APBB2: variants seen among roughly 807,000 people sequenced by gnomAD.
APBB2 encodes the protein amyloid beta precursor protein binding family B member 2.
A neutral mutation model predicts 82.5 loss-of-function variants in APBB2; 38 were observed. That is an observed-to-expected ratio of 0.46 (90% CI 0.36 to 0.60). APBB2 has a LOEUF of 0.60. APBB2 is among the 20% of genes least tolerant of loss of function. The pLI is 0.00. For missense variants in APBB2, 772 were observed against 972.3 expected, an observed-to-expected ratio of 0.79 and a Z score of 2.74; for synonymous variants, 341 against 368.2, an observed-to-expected ratio of 0.93 and a Z score of 0.85.
chr4:40,975,459 G>T (rs1192295448), intron 6 of APBB2, among the ~76,000 whole-genome samples: 1 of 151,860 alleles, frequency 6.6e-6, no homozygotes, highest in Non-Finnish European at 1.5e-5. Flanking sequence ...GTCTAATTTT[G>T]TGTTTAATTA....
intron 6 of APBB2, among the ~76,000 whole-genome samples, chr4:41,005,431 G>C (rs1806431992): frequency 6.6e-6 from 1 of 151,882 alleles, no homozygotes; most frequent in South Asian, 2.1e-4. Context: ...TGTTTTTGGT[G>C]AAGAAAACTA....
At chr4:40,856,675 C>A (rs1761284928) in intron 12 of APBB2, among the ~76,000 whole-genome samples, 1 of 150,680 alleles carries the variant, frequency 6.6e-6, no homozygotes, top group Non-Finnish European at 1.5e-5. Flanking sequence ...AATCATAGAA[C>A]GCTGTCCACG....
chr4:41,163,152 T>C (rs1580531416), intron 1 of APBB2, among the ~76,000 whole-genome samples: 2 of 152,186 alleles, frequency 1.3e-5, no homozygotes, highest in East Asian at 1.9e-4. Context: ...AGAGGACAGC[T>C]TGGGTAATGC....
chr4:41,203,140 C>A (rs950224666), intron 1 of APBB2, among the ~76,000 whole-genome samples: 2 of 151,488 alleles, frequency 1.3e-5, no homozygotes, highest in Non-Finnish European at 2.9e-5. Context: ...GATAAAAATT[C>A]AATAAAACAC....
intron 1 of APBB2, among the ~76,000 whole-genome samples, chr4:41,166,452 C>T (rs1448078667): frequency 6.6e-6 from 1 of 151,872 alleles, no homozygotes; most frequent in African/African-American, 2.4e-5. Context: ...GTGGCATGTA[C>T]CTGTAGTCCC....
At position 40,989,404 on chromosome 4, in the gene APBB2, A is replaced by G. The variant is rs377396166; in HGVS notation, c.835+24179T>C. ...CCAAAATCTCTGCATCTAAAAATCT[A>G]TGCCTCCCAAAATTATGGGCTTTAT... is the stretch of plus-strand genomic sequence containing the variant. On this transcript the variant is annotated intron_variant, in intron 6 of 17. Transcript: ENST00000508593. Among the ~76,000 whole-genome samples, 13 of 152,254 alleles carry G rather than the reference A, an allele frequency of 8.5e-5. No homozygotes were observed. In the East Asian group the frequency reaches 9.7e-4, roughly 11 times the overall value.
At chr4:41,196,335 T>C in intron 1 of APBB2, among the ~76,000 whole-genome samples, 2 of 152,206 alleles carry the variant, frequency 1.3e-5, no homozygotes, top group African/African-American at 4.8e-5. Context: ...TTTTCATCTG[T>C]TGTGTCCACT....
At chr4:41,176,726 A>G (rs535845864) in intron 1 of APBB2, among the ~76,000 whole-genome samples, 7 of 152,310 alleles carry the variant, frequency 4.6e-5, no homozygotes, top group Middle Eastern at 6.8e-3. Flanking sequence ...AAAAAGAAGC[A>G]AAACAAATGA....
chr4:40,870,873 C>T (rs1197617687), intron 12 of APBB2, among the ~76,000 whole-genome samples: 1 of 151,698 alleles, frequency 6.6e-6, no homozygotes, highest in African/African-American at 2.4e-5. Flanking sequence ...GCTGGGATAA[C>T]AGGTGCATGA....
intron 10 of APBB2, among the ~76,000 whole-genome samples, chr4:40,919,155 G>C (rs976831376): frequency 6.6e-6 from 1 of 152,090 alleles, no homozygotes; most frequent in Non-Finnish European, 1.5e-5. Context: ...AGTGCTTTAC[G>C]TAAATGTGCT....
intron 2 of APBB2, among the ~76,000 whole-genome samples, chr4:41,135,718 G>A (rs28669962): frequency 1.2e-3 from 188 of 152,204 alleles, no homozygotes; most frequent in African/African-American, 4.3e-3. Context: ...CATAAAAAAA[G>A]ACAAGAAAAA....
At chr4:41,126,808 A>C (rs541061145) in intron 2 of APBB2, among the ~76,000 whole-genome samples, 3 of 152,288 alleles carry the variant, frequency 2.0e-5, no homozygotes, top group East Asian at 1.9e-4. Context: ...TCTTCTTCTT[A>C]TAAGGCACCA....
intron 1 of APBB2, among the ~76,000 whole-genome samples, chr4:41,161,707 G>A (rs1364596207): frequency 6.6e-6 from 1 of 152,330 alleles, no homozygotes; most frequent in Admixed American, 6.5e-5. Context: ...AGTAGGTGAA[G>A]CCCAGAAATG....
intron 2 of APBB2, chr4:41,138,211 T>C (rs535254721): frequency 6.6e-6 from 1 of 152,160 alleles, no homozygotes; most frequent in Non-Finnish European, 1.5e-5. Context: ...CAGAAACTTT[T>C]CATGAGCTTT....
chr4:40,885,896 A>C (rs1770079732), intron 12 of APBB2, among the ~76,000 whole-genome samples: 2 of 152,042 alleles, frequency 1.3e-5, no homozygotes, highest in African/African-American at 2.4e-5. Context: ...GGCCCAGTGT[A>C]CTTGGTTTAA....
chr4:40,836,648 A>G (rs1399484676), intron 12 of APBB2, among the ~76,000 whole-genome samples: 5 of 152,294 alleles, frequency 3.3e-5, no homozygotes, highest in Non-Finnish European at 7.4e-5. Context: ...GGTCCCAAAG[A>G]TATCAAAGAA....
At chr4:40,833,847 C>T (rs1752910186) in intron 12 of APBB2, among the ~76,000 whole-genome samples, 1 of 152,216 alleles carries the variant, frequency 6.6e-6, no homozygotes, top group Admixed American at 6.5e-5. Context: ...CGTGCAACAT[C>T]CCAAGGTTAC....
At chr4:41,008,182 C>T (rs566435564) in intron 6 of APBB2, among the ~76,000 whole-genome samples, 125 of 152,250 alleles carry the variant, frequency 8.2e-4, no homozygotes, top group African/African-American at 2.9e-3. Flanking sequence ...TGTCGGAAAA[C>T]CTAGGTTCAA....
chr4:40,905,265 C>A (rs1776405243), intron 10 of APBB2, among the ~76,000 whole-genome samples: 1 of 152,192 alleles, frequency 6.6e-6, no homozygotes, highest in Non-Finnish European at 1.5e-5. Flanking sequence ...CCTGGGTCAC[C>A]TCTGTCTCTG....
Sources: gnomAD v4.1 joint callset for allele counts (sites outside exome capture counted in the v4.1 genomes callset) on GRCh38, gnomAD v4.1.1 for gene constraint, MANE v1.5 for transcripts, NCBI Gene and HGNC (gene_info 2026-07-23, HGNC 2026-07-21) for gene names.